The following EPM2A variants were observed in gnomAD, a reference collection of about 807,000 sequenced individuals.
EPM2A encodes laforin.
Under a neutral mutation model 26.5 loss-of-function variants are expected in EPM2A, and 21 were observed. The ratio of observed to expected loss-of-function variants is 0.79; its 90% CI spans 0.56 to 1.14. The LOEUF is 1.14. Ranked by LOEUF, EPM2A falls within the 50% of genes most tolerant of loss-of-function variation. The pLI is 0.00. For synonymous variants in EPM2A, 217 were observed against 177.6 expected, an observed-to-expected ratio of 1.22 and a Z score of -1.76; for missense variants, 458 against 440.8, an observed-to-expected ratio of 1.04 and a Z score of -0.35.
chr6:145,428,739 A>C (rs2114690131), intron 4 of EPM2A, among the ~76,000 whole-genome samples: 1 of 152,342 alleles, frequency 6.6e-6, no homozygotes, highest in South Asian at 2.1e-4. Flanking sequence ...GAGGTAGAAA[A>C]GATACTGCAG....
chr6:145,719,433 G>A (rs1240211848), intron 1 of EPM2A, among the ~76,000 whole-genome samples: 1 of 148,786 alleles, frequency 6.7e-6, no homozygotes, highest in African/African-American at 2.5e-5. Context: ...GAGAACACAT[G>A]GACACAGGAA....
At chr6:145,682,296 G>A (rs1230043276) in intron 2 of EPM2A, 2 of 152,140 alleles carry the variant, frequency 1.3e-5, no homozygotes, top group Admixed American at 1.3e-4. Context: ...TCGCCCCCAT[G>A]ATTCAATTAC....
At chr6:145,508,480 G>C (rs968002895) in intron 2 of EPM2A, among the ~76,000 whole-genome samples, 1 of 152,158 alleles carries the variant, frequency 6.6e-6, no homozygotes, top group African/African-American at 2.4e-5. Flanking sequence ...AGCCCTTACA[G>C]AGCCTTGGTC....
At chr6:145,537,239 A>C (rs1344952816) in intron 2 of EPM2A, among the ~76,000 whole-genome samples, 2 of 152,178 alleles carry the variant, frequency 1.3e-5, no homozygotes, top group Non-Finnish European at 2.9e-5. Context: ...TTTCCTGGAT[A>C]GGTTGCTACA....
chr6:145,728,884 G>T (rs896380538), intron 1 of EPM2A, among the ~76,000 whole-genome samples: 6 of 152,194 alleles, frequency 3.9e-5, no homozygotes, highest in Admixed American at 3.9e-4. Context: ...CTCACCACAA[G>T]CCTGGAGGCC....
intron 2 of EPM2A, among the ~76,000 whole-genome samples, chr6:145,586,469 C>G (rs1291667356): frequency 1.3e-5 from 2 of 152,116 alleles, no homozygotes; most frequent in Admixed American, 1.3e-4. Flanking sequence ...TAGCAGGATA[C>G]TGTCAATATC....
At chr6:145,540,772 A>G (rs1347125693) in intron 2 of EPM2A, among the ~76,000 whole-genome samples, 1 of 152,224 alleles carries the variant, frequency 6.6e-6, no homozygotes, top group East Asian at 1.9e-4. Flanking sequence ...GGCGTGGTAA[A>G]TTCAGAGTCC....
In EPM2A at chr6:145,627,405, A is replaced by G. The variant is rs751351496; in HGVS notation, c.*11T>C. ...AGGGAAATCAGGAGGGGGCAGAAGC[A>G]GGCTGACCAGCTACAGGCTACACAC... On this transcript the variant is annotated 3_prime_UTR_variant, in exon 4 of 4. Coordinates refer to ENST00000367519, the MANE Select transcript of EPM2A (RefSeq NM_005670.4). 2 of 1,614,054 alleles carry G rather than the reference A, an allele frequency of 1.2e-6. No individual in the cohort carries two copies. Among genetic ancestry groups the G allele is most frequent in the Admixed American group, 3.3e-5 (2 of 60,032 alleles).
chr6:145,552,519 T>G (rs1249342190), intron 2 of EPM2A, among the ~76,000 whole-genome samples: 1 of 152,054 alleles, frequency 6.6e-6, no homozygotes, highest in Non-Finnish European at 1.5e-5. Context: ...AAAGACAGAT[T>G]TAGACAAAAA....
rs117016278 is a variant in EPM2A, at chr6:145,607,111, G to A, written c.340+28134C>T. Among the ~76,000 whole-genome samples the A allele has an allele frequency of 4.6e-3, 705 of 152,234 alleles. 25 individuals carry two copies. The East Asian group carries it at 0.084, about 18-fold the overall frequency. On this transcript the variant is annotated intron_variant, in intron 2 of 3. Transcript: ENST00000450221. ...AGCCTCTCCTTGTGTTACCTGAGCT[G>A]AGCCTCCAAACCACTCCTGGTTTAA...
At chr6:145,385,145 C>G (rs1437317945) in intron 4 of EPM2A, among the ~76,000 whole-genome samples, 1 of 147,512 alleles carries the variant, frequency 6.8e-6, no homozygotes, top group Non-Finnish European at 1.5e-5. Flanking sequence ...GACTAAAAAT[C>G]ACTTATACCC....
chr6:145,449,016 A>G (rs576025136), intron 4 of EPM2A, among the ~76,000 whole-genome samples: 51 of 152,104 alleles, frequency 3.4e-4, no homozygotes, highest in African/African-American at 1.2e-3. Flanking sequence ...CTTCATATCT[A>G]TTTTCTTTGT....
At chr6:145,526,994 C>T (rs886500300) in intron 2 of EPM2A, among the ~76,000 whole-genome samples, 2 of 151,888 alleles carry the variant, frequency 1.3e-5, no homozygotes, top group Non-Finnish European at 2.9e-5. Flanking sequence ...TCTCTGTTTT[C>T]ATTTACTTCA....
chr6:145,387,389 A>C (rs967417474), intron 4 of EPM2A, among the ~76,000 whole-genome samples: 48 of 152,170 alleles, frequency 3.2e-4, no homozygotes, highest in African/African-American at 1.1e-3. Flanking sequence ...AGGGACCTAA[A>C]GCCACTTTTC....
At chr6:145,720,022 T>C (rs1249256792) in intron 1 of EPM2A, among the ~76,000 whole-genome samples, 2 of 152,194 alleles carry the variant, frequency 1.3e-5, no homozygotes, top group Admixed American at 1.3e-4. Flanking sequence ...TTATGTTTCA[T>C]TTGGATCATA....
At chr6:145,490,009 G>A (rs1199653489) in intron 4 of EPM2A, 43 of 1,347,990 alleles carry the variant, frequency 3.2e-5, no homozygotes, top group African/African-American at 1.0e-4. Flanking sequence ...CTGGATGGAC[G>A]TGTTCCACAG....
chr6:145,406,687 A>C (rs1053304191), intron 4 of EPM2A, among the ~76,000 whole-genome samples: 1 of 152,186 alleles, frequency 6.6e-6, no homozygotes, highest in Non-Finnish European at 1.5e-5. Flanking sequence ...AATGTCTTAA[A>C]AGTATGAATA....
chr6:145,619,712 TA>T (rs1002048528), intron 2 of EPM2A, among the ~76,000 whole-genome samples: 14 of 150,044 alleles, frequency 9.3e-5, no homozygotes, highest in African/African-American at 2.9e-4. Flanking sequence ...TCCTCACAAT[TA>T]AAAAAAAAAT....
At chr6:145,566,543 G>A (rs1467872558) in intron 2 of EPM2A, among the ~76,000 whole-genome samples, 4 of 152,156 alleles carry the variant, frequency 2.6e-5, no homozygotes, top group African/African-American at 7.2e-5. Flanking sequence ...GCTGACTGGT[G>A]ATCACCTTGA....
Sources: allele counts gnomAD v4.1 joint callset (sites outside exome capture counted in the v4.1 genomes callset), GRCh38; gene constraint gnomAD v4.1.1; transcripts MANE v1.5; gene names NCBI Gene and HGNC (gene_info 2026-07-23, HGNC 2026-07-21).